Variants in AGO1 observed in about 807,000 individuals in gnomAD.
AGO1 encodes the protein protein argonaute-1.
In AGO1, 11 loss-of-function variants were observed where a neutral mutation model predicts 109.2. That is an observed-to-expected ratio of 0.10 (90% CI 0.06 to 0.17). The LOEUF is 0.17. Ranked by LOEUF, AGO1 falls within the 10% of genes least tolerant of loss-of-function variation. AGO1 has a pLI of 1.00. For synonymous variants in AGO1, 422 were observed against 418.6 expected (o/e 1.01, Z -0.10); for missense variants, 574 against 1,140.3 (o/e 0.50, Z 7.15).
chr1:35,916,922 T>C (rs1349699729), intron 15 of AGO1, among the ~76,000 whole-genome samples: 1 of 152,244 alleles, frequency 6.6e-6, no homozygotes, highest in Admixed American at 6.5e-5. Context: ...AAATGAGACT[T>C]AGTGGAGTTG....
chr1:35,917,487 A>G lies in AGO1; in HGVS notation c.2029-106A>G, dbSNP rs1645754374. 3.7e-6 allele frequency: 5 copies of G among 1,341,488 alleles called. No homozygotes were observed. In the South Asian group the frequency reaches 6.6e-5, roughly 18 times the overall value. The allele number at this position is 1,341,488 out of a possible 1,614,324, so 83.1% of individuals were successfully genotyped here. ...AGCATCAGCATATAAAGGGAGACTG[A>G]GCCAAAAGTTATATTACAAGTGGCA... On this transcript the variant is annotated intron_variant, in intron 15 of 18. Coordinates refer to ENST00000373204, the MANE Select transcript of AGO1 (RefSeq NM_012199.5).
Position 35,891,925 on chromosome 1 carries a change from C to T in AGO1, c.210-632C>T, listed in dbSNP as rs948509734. Among the ~76,000 whole-genome samples, 19 of 150,410 alleles carry T rather than the reference C, an allele frequency of 1.3e-4. 1 individual carries two copies. Among genetic ancestry groups the T allele is most frequent in the Admixed American group, 8.6e-4 (13 of 15,128 alleles). On this transcript the variant is annotated intron_variant, in intron 2 of 18. Coordinates refer to ENST00000373204, the MANE Select transcript of AGO1 (RefSeq NM_012199.5). ...CAGGGTCTCGCTGTGTCCCCCAGGC[C>T]GGAGTGCAGTGGTGTGATTATAGCT...
chr1:35,914,161 T>G (rs770086028), intron 13 of AGO1, 23 bp from the exon 14 acceptor site: 1 of 1,613,170 alleles, frequency 6.2e-7, no homozygotes, highest in East Asian at 2.2e-5. Flanking sequence ...GCCTCACCAT[T>G]TTGTTTTCTC....
In AGO1 at chr1:35,921,395, C is replaced by CT. The variant is rs1480146316; in HGVS notation, c.*1789dup. On this transcript the variant is annotated 3_prime_UTR_variant, in exon 19 of 19. Coordinates refer to ENST00000373204, the MANE Select transcript of AGO1 (RefSeq NM_012199.5). ...GTTGGCCTTGAAGCAAGCATCCCCC[C>CT]TGCCCTTTTTCCTTGACTGTTCATT... 6.6e-6 allele frequency: 1 copy of CT among 152,312 alleles called. No individual in the cohort carries two copies. Among genetic ancestry groups the CT allele is most frequent in the Non-Finnish European group, 1.5e-5 (1 of 68,078 alleles). 9.4% of individuals were successfully genotyped at this position (152,312 alleles called of 1,614,324 possible). A position where few individuals can be genotyped will look rare whatever the true frequency, so the allele number is the denominator to read the frequency against.
chr1:35,919,100 C>T lies in AGO1; in HGVS notation c.2311C>T (p.Arg771Cys), dbSNP rs766150388. 6 of 1,614,024 alleles carry T rather than the reference C, an allele frequency of 3.7e-6. No homozygotes were observed. Among genetic ancestry groups the T allele is most frequent in the Admixed American group, 1.7e-5 (1 of 59,988 alleles). ...TTACTATGTTCTTTGGGATGACAAC[C>T]GTTTCACAGCAGATGAGCTCCAGAT... Reference protein sequence around the residue: ...SHYYVLWDDNRFTADELQILT... With the variant: ...SHYYVLWDDNCFTADELQILT... Residue 771 changes from arginine (R) to cysteine (C), a missense_variant, in exon 18 of 19, where the codon CGT becomes TGT. Physicochemically the swap from Arg to Cys is radical, Grantham distance 180. Transcript: ENST00000373204. The surrounding 1 kb of genome is among the most constrained non-coding windows in gnomAD (Gnocchi z 6.6).
Position 35,919,558 on chromosome 1 carries a change from A to G in AGO1, c.2525A>G (p.Lys842Arg). The change falls in exon 19 of 19, where the codon AAA becomes AGA. Residue 842 changes from lysine (K) to arginine (R), a missense_variant. Physicochemically the swap from Lys to Arg is conservative, Grantham distance 26. Transcript: ENST00000373204. This position sits in a 1 kb window ranked among gnomAD's most constrained non-coding sequence, Gnocchi z 6.6. ...SNGRDPQALA[K>R]AVQVHQDTLR... ...GGGCGGGACCCCCAGGCCCTGGCCA[A>G]AGCCGTGCAGGTTCACCAGGATACT... 1.9e-6 allele frequency: 3 copies of G among 1,614,196 alleles called. No homozygotes were observed. The South Asian group carries it at 3.3e-5, about 18-fold the overall frequency.
At chr1:35,915,867 C>T (rs1248184379) in intron 15 of AGO1, among the ~76,000 whole-genome samples, 1 of 152,150 alleles carries the variant, frequency 6.6e-6, no homozygotes, top group Non-Finnish European at 1.5e-5. Context: ...AAGGGCTCTA[C>T]CCTTAGAGTT....
chr1:35,903,734 G>A (rs1463285120), intron 11 of AGO1, among the ~76,000 whole-genome samples: 1 of 151,966 alleles, frequency 6.6e-6, no homozygotes, highest in Admixed American at 6.6e-5. Flanking sequence ...GGAGGCTGAG[G>A]CGGGCGGATC....
intron 8 of AGO1, among the ~76,000 whole-genome samples, chr1:35,899,375 T>C (rs957369379): frequency 6.6e-6 from 1 of 152,222 alleles, no homozygotes; most frequent in Non-Finnish European, 1.5e-5. Flanking sequence ...TTGTTGAAGT[T>C]CCTGTTTTCA....
rs77619382 is a variant in AGO1 at position 35,902,883 on chromosome 1, C to G, written c.1397+546C>G. ...AGCTTGTTTAGCTGGTTGTCAGGGCCTCTGTGCCACCGTAGCTGGGAGTAG... is the reference window on the plus strand; with the variant it reads ...AGCTTGTTTAGCTGGTTGTCAGGGCGTCTGTGCCACCGTAGCTGGGAGTAG... On this transcript the variant is annotated intron_variant, in intron 11 of 18. Transcript: ENST00000373204. 1.6e-4 allele frequency among the ~76,000 whole-genome samples: 24 copies of G among 152,164 alleles called. No homozygotes were observed. In the East Asian group the frequency reaches 4.6e-3, roughly 29 times the overall value.
chr1:35,875,168 A>T lies in AGO1; in HGVS notation c.-201+5265A>T, dbSNP rs149914967. Reference sequence around the variant, plus strand: ...CAGCCTTCTGTTGGAAGAAGATGCCATCTAGAACTTTCATAGCTAGAGAGA... The same window carrying T: ...CAGCCTTCTGTTGGAAGAAGATGCCTTCTAGAACTTTCATAGCTAGAGAGA... On this transcript the variant is annotated intron_variant, in intron 1 of 18. Transcript: ENST00000373206. Among the ~76,000 whole-genome samples the T allele has an allele frequency of 6.7e-3, 1,016 of 152,348 alleles. 8 individuals carry two copies. Among genetic ancestry groups the T allele is most frequent in the African/African-American group, 0.021 (889 of 41,578 alleles).
chr1:35,919,229 C>T lies in AGO1; in HGVS notation c.2440C>T (p.His814Tyr). Reference sequence around the variant, plus strand: ...CCTGGTGGCTTTCCGGGCACGATACCACCTGGTGGACAAGGAGCATGACAG... The same window carrying T: ...CCTGGTGGCTTTCCGGGCACGATACTACCTGGTGGACAAGGAGCATGACAG... ...ARLVAFRARYHLVDKEHDSGE... is the reference protein window; with the variant it reads ...ARLVAFRARYYLVDKEHDSGE... The change falls in exon 18 of 19, where the codon CAC becomes TAC. Residue 814 changes from histidine to tyrosine, a missense_variant. Around this residue, in one of 8 missense-constraint regions of AGO1, gnomAD observed 62 missense variants for 192.0 expected, o/e 0.32. Transcript: ENST00000373204. The surrounding 1 kb of genome is among the most constrained non-coding windows in gnomAD (Gnocchi z 6.6). 6.2e-7 allele frequency: 1 copy of T among 1,613,972 alleles called. No homozygotes were observed. Among genetic ancestry groups the T allele is most frequent in the South Asian group, 1.1e-5 (1 of 91,012 alleles).
chr1:35,912,141 A>G (rs1275992028), intron 12 of AGO1, among the ~76,000 whole-genome samples: 2 of 152,140 alleles, frequency 1.3e-5, no homozygotes, highest in East Asian at 1.9e-4. Flanking sequence ...GCGGATCATG[A>G]GGTCAGGAGA....
At chr1:35,894,618 G>A (rs773125593) in intron 7 of AGO1, among the ~76,000 whole-genome samples, 2 of 151,900 alleles carry the variant, frequency 1.3e-5, no homozygotes, top group South Asian at 2.1e-4. Flanking sequence ...TGATCTCCTC[G>A]CCTCTTTGGT....
At position 35,926,704 on chromosome 1, in the gene AGO1, A is replaced by G. The variant is rs965488511; in HGVS notation, c.*7097A>G. The G allele has an allele frequency of 6.6e-6, 1 of 152,234 alleles. No homozygotes were observed. Among genetic ancestry groups the G allele is most frequent in the Admixed American group, 6.5e-5 (1 of 15,286 alleles). The allele number at this position is 152,234 out of a possible 1,614,324, so 9.4% of individuals were successfully genotyped here. A position where few individuals can be genotyped will look rare whatever the true frequency, so the allele number is the denominator to read the frequency against. On this transcript the variant is annotated 3_prime_UTR_variant, in exon 19 of 19. Transcript: ENST00000373204. ...ATGCCTAGGCCGGCTTAGAAGGCAC[A>G]CAGCATGACAGAAGTACTCCTTCAA...
At position 35,919,632 on chromosome 1, in the gene AGO1, G is replaced by A; in HGVS notation, c.*25G>A. The A allele has an allele frequency of 6.3e-7, 1 of 1,599,666 alleles. No homozygotes were observed. Among genetic ancestry groups the A allele is most frequent in the Non-Finnish European group, 8.5e-7 (1 of 1,170,406 alleles). ...AAGGCAGAACGCTGTTACCTCACTG[G>A]ATAGAAGAAAGCTTTCCAAGCCCCA... On this transcript the variant is annotated 3_prime_UTR_variant, in exon 19 of 19. Coordinates refer to ENST00000373204, the MANE Select transcript of AGO1 (RefSeq NM_012199.5). The surrounding 1 kb of genome is among the most constrained non-coding windows in gnomAD (Gnocchi z 6.6).
rs1160937987 is a variant in AGO1, at chr1:35,883,240, G to A, written c.-182G>A. On this transcript the variant is annotated 5_prime_UTR_variant, in exon 1 of 19. Coordinates refer to ENST00000373204, the MANE Select transcript of AGO1 (RefSeq NM_012199.5). The surrounding 1 kb of genome is among the most constrained non-coding windows in gnomAD (Gnocchi z 5.4). ...AGCTGGCCGGGCGCTCGCAGTGGGA[G>A]CTGCTGCAGGCTCCGCGGCGGCGGC... 1.6e-6 allele frequency: 2 copies of A among 1,283,522 alleles called. No homozygotes were observed. Among genetic ancestry groups the A allele is most frequent in the Non-Finnish European group, 2.0e-6 (2 of 1,012,244 alleles). The allele number at this position is 1,283,522 out of a possible 1,614,324, so 79.5% of individuals were successfully genotyped here. A position where few individuals can be genotyped will look rare whatever the true frequency, so the allele number is the denominator to read the frequency against.
chr1:35,914,408 T>G, intron 14 of AGO1, 134 bp downstream of exon 14: 1 of 668,266 alleles, frequency 1.5e-6, no homozygotes, highest in Non-Finnish European at 2.6e-6. Flanking sequence ...CTATTCCCAA[T>G]TCCCATTCCC....
At chr1:35,894,475 C>T (rs1183994666) in intron 7 of AGO1, 73 bp downstream of exon 7, 2 of 1,423,614 alleles carry the variant, frequency 1.4e-6, no homozygotes, top group Non-Finnish European at 1.9e-6. Flanking sequence ...TCTTTCCCTC[C>T]CTCCCTCCCC....
Sources: gnomAD v4.1 joint callset for allele counts (sites outside exome capture counted in the v4.1 genomes callset) on GRCh38, gnomAD v4.1.1 for gene constraint, gnomAD v4.1.1 regional missense constraint, Gnocchi (gnomAD v3.1) non-coding constraint, MANE v1.5 for transcripts, NCBI Gene and HGNC (gene_info 2026-07-23, HGNC 2026-07-21) for gene names.